Variants in SIRT6 observed in about 807,000 individuals in gnomAD.
SIRT6 encodes NAD-dependent protein deacylase sirtuin-6.
In SIRT6, 21 loss-of-function variants were observed where a neutral mutation model predicts 33.6. That is an observed-to-expected ratio of 0.62 (90% CI 0.44 to 0.90). The LOEUF (loss-of-function observed/expected upper bound fraction) is 0.90, where lower values mean the gene tolerates loss of function less well. SIRT6 is among the 40% of genes least tolerant of loss of function. The pLI, the probability that SIRT6 is intolerant of heterozygous loss-of-function variation, is 0.00. For synonymous variants in SIRT6, 221 were observed against 223.9 expected (o/e 0.99, Z 0.12); for missense variants, 504 against 510.6 (o/e 0.99, Z 0.12).
chr19:4,176,953 G>GC (rs1464680495), intron 4 of SIRT6, 126 bp downstream of exon 4: 3 of 627,386 alleles, frequency 4.8e-6, no homozygotes, highest in Non-Finnish European at 7.8e-6. Context: ...AGGGAGACAC[G>GC]CCCCCAGATC....
Position 4,179,235 on chromosome 19 carries a change from G to C in SIRT6, c.246C>G (p.Phe82Leu). 1 of 1,609,818 alleles carries C rather than the reference G, an allele frequency of 6.2e-7. No homozygotes were observed. Residue 82 changes from phenylalanine to leucine, a missense_variant, in exon 3 of 8, where the codon TTC (phenylalanine) becomes TTG (leucine). Coordinates refer to ENST00000337491, the MANE Select transcript of SIRT6 (RefSeq NM_016539.4). ...TMEERGLAPK[F>L]DTTFESARPT... ...GCCGCGCGCTCTCAAAGGTGGTGTCGAACTTGGGGGCCAGACCTCGCTCCT... is the reference window on the plus strand; with the variant it reads ...GCCGCGCGCTCTCAAAGGTGGTGTCCAACTTGGGGGCCAGACCTCGCTCCT...
rs76366923 is a variant in SIRT6, at chr19:4,174,573, T to A, written c.*44A>T. On this transcript the variant is annotated 3_prime_UTR_variant, in exon 8 of 8. Coordinates refer to ENST00000337491, the MANE Select transcript of SIRT6 (RefSeq NM_016539.4). This position sits in a 1 kb window ranked among gnomAD's most constrained non-coding sequence, Gnocchi z 4.2. ...AAGTGAGACCACGAGAGAAAAAGAATCCACAGTTTCTACAAAAAGCCCCAC... is the reference window on the plus strand; with the variant it reads ...AAGTGAGACCACGAGAGAAAAAGAAACCACAGTTTCTACAAAAAGCCCCAC... 0.02 allele frequency: 27,089 copies of A among 1,381,516 alleles called. 1,461 individuals are homozygous for A. In the East Asian group the frequency reaches 0.2, roughly 10 times the overall value. The allele number at this position is 1,381,516 out of a possible 1,614,324, so 85.6% of individuals were successfully genotyped here. A position where few individuals can be genotyped will look rare whatever the true frequency, so the allele number is the denominator to read the frequency against.
chr19:4,174,702 G>A lies in SIRT6; in HGVS notation c.983C>T (p.Pro328Leu), dbSNP rs202184421. 2.5e-5 allele frequency: 37 copies of A among 1,464,112 alleles called. No homozygotes were observed. The highest frequency in any genetic ancestry group is 3.3e-5 in the Non-Finnish European group (37 of 1,106,464). The allele number at this position is 1,464,112 out of a possible 1,614,324, so 90.7% of individuals were successfully genotyped here. ...EPCAQHNGSE[P>L]ASPKRERPTS... is the part of the protein sequence containing the mutation. ...GGGCCGCTCCCGTTTGGGGCTGGCG[G>A]GCTCTGAGCCGTTGTGCTGGGCGCA... The change falls in exon 8 of 8, where the codon CCC becomes CTC. Residue 328 changes from proline (P) to leucine (L), a missense_variant. Transcript: ENST00000337491. This position sits in a 1 kb window ranked among gnomAD's most constrained non-coding sequence, Gnocchi z 4.2.
rs1162746951 is a variant in SIRT6 at position 4,182,483 on chromosome 19, G to T, written c.57C>A (p.Gly19=). 1 of 1,610,232 alleles carries T rather than the reference G, an allele frequency of 6.2e-7. No individual in the cohort carries two copies. The highest frequency in any genetic ancestry group is 2.3e-5 in the East Asian group (1 of 44,412). Residue 19 remains glycine (G), a synonymous_variant, in exon 1 of 8, where the codon GGC becomes GGA. Transcript: ENST00000337491. ...LSPYADKGKC[G]LPEIFDPPEE... Reference sequence around the variant, plus strand: ...CCTCAGACGCGCTCACCTCCGGGAGGCCGCACTTGCCCTTGTCCGCGTACG... The same window carrying T: ...CCTCAGACGCGCTCACCTCCGGGAGTCCGCACTTGCCCTTGTCCGCGTACG...
chr19:4,181,261 G>A (rs1967643632), intron 1 of SIRT6, among the ~76,000 whole-genome samples: 1 of 152,058 alleles, frequency 6.6e-6, no homozygotes, highest in African/African-American at 2.4e-5. Flanking sequence ...ACCCTTTAAT[G>A]CTCTTCCCCC....
intron 3 of SIRT6, 148 bp from the exon 4 acceptor site, chr19:4,177,286 T>C: frequency 2.9e-6 from 2 of 698,926 alleles, no homozygotes; most frequent in Admixed American, 2.5e-5. Flanking sequence ...CTGGCTCTTC[T>C]AGCTCCTGGC....
chr19:4,179,448 G>T, intron 2 of SIRT6, 162 bp from the exon 3 acceptor site: 1 of 734,112 alleles, frequency 1.4e-6, no homozygotes, highest in Non-Finnish European at 2.2e-6. Context: ...GAAATAGAGG[G>T]TGAGTTGCAA....
chr19:4,179,833 G>T (rs1169922218), intron 2 of SIRT6, among the ~76,000 whole-genome samples: 1 of 152,188 alleles, frequency 6.6e-6, no homozygotes, highest in Non-Finnish European at 1.5e-5. Flanking sequence ...GCAGTTTCTT[G>T]AAGGGTGAGA....
chr19:4,177,182 C>A, intron 3 of SIRT6, 44 bp from the exon 4 acceptor site: 1 of 1,604,222 alleles, frequency 6.2e-7, no homozygotes, highest in East Asian at 2.2e-5. Flanking sequence ...GAAAGGATCC[C>A]TGGATGCCCA....
intron 4 of SIRT6, among the ~76,000 whole-genome samples, chr19:4,176,233 C>T (rs911569664): frequency 3.0e-4 from 45 of 152,164 alleles, no homozygotes; most frequent in African/African-American, 1.0e-3. Context: ...AGCATGGGGG[C>T]GACAGGCCGA....
intron 1 of SIRT6, 34 bp downstream of exon 1, chr19:4,182,440 G>C: frequency 6.3e-7 from 1 of 1,595,982 alleles, no homozygotes; most frequent in Non-Finnish European, 8.5e-7. Flanking sequence ...CGCGGCCCTG[G>C]GGCGCGATGC....
chr19:4,179,642 C>A, intron 2 of SIRT6: 1 of 272,032 alleles, frequency 3.7e-6, no homozygotes, highest in Non-Finnish European at 7.0e-6. Context: ...ATGAGCCCGA[C>A]GATGCTCACA....
At position 4,180,742 on chromosome 19, in the gene SIRT6, T is replaced by C. The variant is rs373916919; in HGVS notation, c.194+40A>G. The stretch of plus-strand genomic sequence containing the variant: ...GCTCGCAGGGAAGCCTCTGGCAGCC[T>C]GGTAGGCCTTGCCTCGACTTCCCCT... On this transcript the variant is annotated intron_variant, in intron 2 of 7. Transcript: ENST00000337491. 6 of 1,569,282 alleles carry C rather than the reference T, an allele frequency of 3.8e-6. No individual in the cohort carries two copies. In the African/African-American group the frequency reaches 8.1e-5, roughly 21 times the overall value.
rs147362434 is a variant in SIRT6, at chr19:4,175,062, C to T, written c.704G>A (p.Arg235His). ...GGGCTGCAGGTTGACGATGACCAGGCGGCCTCCCCGGCGCTTGGTAGCCAG... is the reference window on the plus strand; with the variant it reads ...GGGCTGCAGGTTGACGATGACCAGGTGGCCTCCCCGGCGCTTGGTAGCCAG... ...LPLATKRRGG[R>H]LVIVNLQPTK... is the part of the protein sequence containing the mutation. The change falls in exon 7 of 8, where the codon CGC becomes CAC. Residue 235 changes from arginine to histidine, a missense_variant. Physicochemically the swap from Arg to His is conservative, Grantham distance 29. Transcript: ENST00000337491. 2.6e-5 allele frequency: 41 copies of T among 1,587,336 alleles called. No homozygotes were observed. In the African/African-American group the frequency reaches 2.7e-4, roughly 10 times the overall value.
chr19:4,182,325 C>T, intron 1 of SIRT6, 149 bp downstream of exon 1: 2 of 755,620 alleles, frequency 2.6e-6, no homozygotes, highest in Non-Finnish European at 4.1e-6. Flanking sequence ...CGCGCAGGGG[C>T]GTCACTTCCC....
chr19:4,174,727 A>T lies in SIRT6; in HGVS notation c.958T>A (p.Cys320Ser). Residue 320 changes from cysteine (C) to serine (S), a missense_variant, in exon 8 of 8, where the codon TGC becomes AGC. By Grantham distance (112) the Cys-to-Ser change is moderately radical. Transcript: ENST00000337491. This position sits in a 1 kb window ranked among gnomAD's most constrained non-coding sequence, Gnocchi z 4.2. The part of the protein sequence containing the change: ...SIPAGPKQEP[C>S]AQHNGSEPAS... ...GGCTCTGAGCCGTTGTGCTGGGCGC[A>T]GGGCTCCTGCTTGGGGCCGGCGGGG... 1 of 1,464,194 alleles carries T rather than the reference A, an allele frequency of 6.8e-7. No homozygotes were observed. The highest frequency in any genetic ancestry group is 1.4e-5 in the South Asian group (1 of 72,920). The allele number at this position is 1,464,194 out of a possible 1,614,324, so 90.7% of individuals were successfully genotyped here.
At chr19:4,177,214 C>G (rs1967359943) in intron 3 of SIRT6, 76 bp from the exon 4 acceptor site, 2 of 1,442,594 alleles carry the variant, frequency 1.4e-6, no homozygotes, top group Admixed American at 1.8e-5. Context: ...TGGTGCTAAG[C>G]CCCTCTCCTC....
Position 4,179,297 on chromosome 19 carries a change from C to G in SIRT6, c.195-11G>C. On this transcript the variant is annotated splice_polypyrimidine_tract_variant and intron_variant, in intron 2 of 7. Transcript: ENST00000337491. ...ACTCCGTGGGGACCCCTGAAGGTGG[C>G]AGGCCGGGAGAGATGGACGGGGAGA... The G allele has an allele frequency of 6.3e-7, 1 of 1,587,500 alleles. No individual in the cohort carries two copies. The highest frequency in any genetic ancestry group is 8.6e-7 in the Non-Finnish European group (1 of 1,166,328).
Position 4,179,110 on chromosome 19 carries a change from A to T in SIRT6, c.371T>A (p.Phe124Tyr), listed in dbSNP as rs1456778395. 7.4e-6 allele frequency: 12 copies of T among 1,611,822 alleles called. No homozygotes were observed. The highest frequency in any genetic ancestry group is 9.3e-6 in the Non-Finnish European group (11 of 1,179,790). ...NVDGLHVRSG[F>Y]PRDKLAELHG... ...GGCGGGGCCAGGGTGTTACCTGGGGAAGCCTGAGCGCACATGGAGCCCGTC... is the reference window on the plus strand; with the variant it reads ...GGCGGGGCCAGGGTGTTACCTGGGGTAGCCTGAGCGCACATGGAGCCCGTC... Residue 124 changes from phenylalanine to tyrosine, a missense_variant, in exon 3 of 8, where the codon TTC becomes TAC. Phe to Tyr is a conservative substitution (Grantham distance 22). Coordinates refer to ENST00000337491, the MANE Select transcript of SIRT6 (RefSeq NM_016539.4).
Sources: gnomAD v4.1 joint callset for allele counts (sites outside exome capture counted in the v4.1 genomes callset) on GRCh38, gnomAD v4.1.1 for gene constraint, Gnocchi (gnomAD v3.1) non-coding constraint, MANE v1.5 for transcripts, NCBI Gene and HGNC (gene_info 2026-07-23, HGNC 2026-07-21) for gene names.